Variants in RANBP2 observed in about 807,000 individuals in gnomAD.
RANBP2 encodes the protein RAN binding protein 2, also known as E3 SUMO-protein ligase RanBP2.
A neutral mutation model predicts 303.6 loss-of-function variants in RANBP2; 57 were observed. The observed-to-expected ratio is 0.19, with a 90% CI of 0.15 to 0.23. The LOEUF is 0.23. Ranked by LOEUF, RANBP2 falls within the 10% of genes least tolerant of loss-of-function variation. The pLI is 1.00. For missense variants in RANBP2, 3,138 were observed against 3,780.8 expected (o/e 0.83, Z 4.46); for synonymous variants, 1,167 against 1,301.5 (o/e 0.90, Z 2.23).
the RANBP2 span, among the ~76,000 whole-genome samples, chr2:108,917,616 C>CG: frequency 6.6e-6 from 1 of 152,134 alleles, no homozygotes; most frequent in Non-Finnish European, 1.5e-5. Context: ...CCTCTGCCCC[C>CG]GGGCAAGACA....
At chr2:108,986,376 A>T in the RANBP2 span, among the ~76,000 whole-genome samples, 3 of 152,310 alleles carry the variant, frequency 2.0e-5, no homozygotes, top group South Asian at 6.2e-4. Flanking sequence ...AAACTAAGAT[A>T]CAGGAGGGGG....
the RANBP2 span, among the ~76,000 whole-genome samples, chr2:108,935,225 T>G: frequency 6.6e-6 from 1 of 152,298 alleles, no homozygotes; most frequent in Admixed American, 6.5e-5. Flanking sequence ...CCATCTAGAA[T>G]GATGACACAG....
chr2:109,286,937 G>A, the RANBP2 span, among the ~76,000 whole-genome samples: 1 of 152,214 alleles, frequency 6.6e-6, no homozygotes, highest in Non-Finnish European at 1.5e-5. Flanking sequence ...GTGAGCATTT[G>A]TGGACCCTGC....
At chr2:109,170,308 T>C in the RANBP2 span, among the ~76,000 whole-genome samples, 1 of 138,496 alleles carries the variant, frequency 7.2e-6, no homozygotes, top group African/African-American at 2.8e-5. Context: ...TCTTCTCTTC[T>C]CTTCTCTCCT....
chr2:108,989,984 C>G, the RANBP2 span, among the ~76,000 whole-genome samples: 1 of 152,156 alleles, frequency 6.6e-6, no homozygotes, highest in African/African-American at 2.4e-5. Flanking sequence ...GTAACTCACA[C>G]ATGAGAAAGT....
At chr2:109,092,662 A>G in the RANBP2 span, among the ~76,000 whole-genome samples, 1 of 152,212 alleles carries the variant, frequency 6.6e-6, no homozygotes, top group Non-Finnish European at 1.5e-5. Flanking sequence ...GGGAACCTGG[A>G]AACCTGGTAT....
chr2:109,437,015 C>G, the RANBP2 span: 2 of 1,613,888 alleles, frequency 1.2e-6, no homozygotes, highest in Non-Finnish European at 1.7e-6. Context: ...GCCACTGCCA[C>G]CAGGCCCGCC....
chr2:109,230,472 C>CG, the RANBP2 span, among the ~76,000 whole-genome samples: 3 of 151,962 alleles, frequency 2.0e-5, no homozygotes, highest in South Asian at 2.1e-4. Flanking sequence ...CCCAGTTACT[C>CG]GGGGGGCTGA....
At chr2:108,734,593 A>G (rs3899168) in intron 4 of RANBP2, among the ~76,000 whole-genome samples, 44 of 152,138 alleles carry the variant, frequency 2.9e-4, no homozygotes, top group East Asian at 1.2e-3. Flanking sequence ...GAAAGTGTGT[A>G]TATTTATATG....
chr2:109,501,325 TA>T, the RANBP2 span, among the ~76,000 whole-genome samples: 1 of 151,994 alleles, frequency 6.6e-6, no homozygotes, highest in Non-Finnish European at 1.5e-5. Flanking sequence ...TTTTTTTTAT[TA>T]AAAAATGAAA....
chr2:108,929,458 A>C, the RANBP2 span: 1 of 1,459,726 alleles, frequency 6.9e-7, no homozygotes. Flanking sequence ...GTCCTTGGGC[A>C]GTGACGTGCC....
the RANBP2 span, among the ~76,000 whole-genome samples, chr2:109,727,034 TG>T: frequency 6.6e-6 from 1 of 152,130 alleles, no homozygotes; most frequent in Non-Finnish European, 1.5e-5. Flanking sequence ...TGGAGGCGCG[TG>T]GGGGTCAGGC....
At chr2:109,502,049 G>A in the RANBP2 span, 2 of 207,856 alleles carry the variant, frequency 9.6e-6, no homozygotes, top group Non-Finnish European at 2.0e-5. Context: ...CAGGCGAGGT[G>A]GGTGGCATGG....
chr2:109,476,797 TTTC>T, the RANBP2 span, among the ~76,000 whole-genome samples: 2 of 152,186 alleles, frequency 1.3e-5, no homozygotes, highest in Non-Finnish European at 2.9e-5. Flanking sequence ...TTTATGGTTG[TTTC>T]TTGATGATAA....
chr2:109,566,983 T>C, the RANBP2 span, among the ~76,000 whole-genome samples: 3 of 152,208 alleles, frequency 2.0e-5, no homozygotes, highest in African/African-American at 7.2e-5. Context: ...ATTTAACATA[T>C]AGGAATTAAG....
At chr2:109,266,849 T>C in the RANBP2 span, among the ~76,000 whole-genome samples, 26 of 152,070 alleles carry the variant, frequency 1.7e-4, no homozygotes, top group Non-Finnish European at 5.9e-5. Flanking sequence ...CCTCCAAATA[T>C]TCAGAGCTGG....
At chr2:109,234,756 G>A in the RANBP2 span, among the ~76,000 whole-genome samples, 1,637 of 152,260 alleles carry the variant, frequency 0.011, 40 homozygotes, top group African/African-American at 0.038. Flanking sequence ...CACACACCAC[G>A]TTTATTTGCT....
chr2:108,858,465 T>G, the RANBP2 span, among the ~76,000 whole-genome samples: 2 of 152,116 alleles, frequency 1.3e-5, no homozygotes, highest in African/African-American at 4.8e-5. Flanking sequence ...GATGCGAAAA[T>G]TTTGGAAGTT....
the RANBP2 span, among the ~76,000 whole-genome samples, chr2:109,636,882 G>A: frequency 6.6e-6 from 1 of 152,070 alleles, no homozygotes; most frequent in Non-Finnish European, 1.5e-5. Flanking sequence ...ATTTCTAGTC[G>A]GGTGGGACGA....
Sources: allele counts gnomAD v4.1 joint callset (sites outside exome capture counted in the v4.1 genomes callset), GRCh38; gene constraint gnomAD v4.1.1; transcripts MANE v1.5; gene names NCBI Gene and HGNC (gene_info 2026-07-23, HGNC 2026-07-21).